The following EPHA6 variants were observed in gnomAD, a reference collection of about 807,000 sequenced individuals.
The protein encoded by EPHA6 is ephrin type-A receptor 6.
Under a neutral mutation model 112.0 loss-of-function variants are expected in EPHA6, and 50 were observed. That is an observed-to-expected ratio of 0.45 (90% CI 0.36 to 0.56). The LOEUF is 0.56. Among genes scored for constraint, EPHA6 ranks in the 20% least tolerant of loss-of-function variants. The pLI, the probability that EPHA6 is intolerant of heterozygous loss-of-function variation, is 0.00. For missense variants in EPHA6, 1,280 were observed against 1,417.4 expected (o/e 0.90, Z 1.56); for synonymous variants, 529 against 490.7 (o/e 1.08, Z -1.03).
At chr3:97,676,634 GA>G (rs938813158) in intron 14 of EPHA6, among the ~76,000 whole-genome samples, 1 of 152,120 alleles carries the variant, frequency 6.6e-6, no homozygotes, top group African/African-American at 2.4e-5. Flanking sequence ...AGATGACACA[GA>G]AAAAGAAAGA....
intron 7 of EPHA6, among the ~76,000 whole-genome samples, chr3:97,474,296 T>A (rs555339433): frequency 6.6e-6 from 1 of 150,924 alleles, no homozygotes; most frequent in East Asian, 1.9e-4. Flanking sequence ...CAATAGCTGA[T>A]AAGATTAATA....
intron 5 of EPHA6, among the ~76,000 whole-genome samples, chr3:97,379,678 G>C (rs1195328553): frequency 2.0e-5 from 3 of 148,472 alleles, no homozygotes; most frequent in African/African-American, 7.5e-5. Flanking sequence ...GAACCTGGGA[G>C]GCAGAGGATG....
chr3:97,341,861 A>G (rs558549888), intron 5 of EPHA6, among the ~76,000 whole-genome samples: 1 of 152,306 alleles, frequency 6.6e-6, no homozygotes, highest in Non-Finnish European at 1.5e-5. Context: ...TCCAAAATAC[A>G]TTACTAAGAA....
At chr3:96,910,311 A>T (rs779535494) in intron 2 of EPHA6, among the ~76,000 whole-genome samples, 1 of 151,968 alleles carries the variant, frequency 6.6e-6, no homozygotes, top group Non-Finnish European at 1.5e-5. Flanking sequence ...ACCACTTCCT[A>T]ACAACCTAAC....
intron 3 of EPHA6, among the ~76,000 whole-genome samples, chr3:97,017,220 C>T (rs1423146355): frequency 2.6e-5 from 4 of 152,124 alleles, no homozygotes; most frequent in African/African-American, 9.7e-5. Flanking sequence ...AGGATATAGT[C>T]CTGACTTACT....
At chr3:97,026,432 TG>T (rs2044641169) in intron 3 of EPHA6, among the ~76,000 whole-genome samples, 1 of 152,214 alleles carries the variant, frequency 6.6e-6, no homozygotes, top group African/African-American at 2.4e-5. Context: ...CTTATTTCTT[TG>T]AGCAGTGGTT....
intron 11 of EPHA6, among the ~76,000 whole-genome samples, chr3:97,586,825 G>A (rs551585074): frequency 9.8e-5 from 15 of 152,308 alleles, no homozygotes; most frequent in African/African-American, 3.6e-4. Context: ...AGGTTCAATA[G>A]ACTAGTTTAT....
At chr3:97,431,774 T>C (rs1379256785) in intron 6 of EPHA6, among the ~76,000 whole-genome samples, 1 of 152,102 alleles carries the variant, frequency 6.6e-6, no homozygotes, top group African/African-American at 2.4e-5. Context: ...TTTTCATATT[T>C]TAAAAAGATC....
chr3:97,266,195 T>A (rs979213194), intron 5 of EPHA6, among the ~76,000 whole-genome samples: 3 of 152,226 alleles, frequency 2.0e-5, no homozygotes, highest in African/African-American at 7.2e-5. Flanking sequence ...GAGGCATTGT[T>A]AATCTTAACT....
chr3:97,743,103 C>T (rs1042035650), intron 16 of EPHA6, among the ~76,000 whole-genome samples: 5 of 152,014 alleles, frequency 3.3e-5, no homozygotes, highest in African/African-American at 4.8e-5. Flanking sequence ...TAAACATTTT[C>T]GCAATACAAG....
chr3:96,838,313 G>A (rs2107310900), intron 1 of EPHA6, among the ~76,000 whole-genome samples: 1 of 152,228 alleles, frequency 6.6e-6, no homozygotes, highest in South Asian at 2.1e-4. Flanking sequence ...TGGACATTTA[G>A]GTTGATTCCC....
At chr3:97,134,440 C>T (rs2075718134) in intron 3 of EPHA6, among the ~76,000 whole-genome samples, 1 of 151,996 alleles carries the variant, frequency 6.6e-6, no homozygotes, top group Non-Finnish European at 1.5e-5. Flanking sequence ...GGTGTATGTG[C>T]AAATCTGCCC....
intron 6 of EPHA6, among the ~76,000 whole-genome samples, chr3:97,425,168 C>T (rs547249375): frequency 1.3e-5 from 2 of 152,116 alleles, no homozygotes; most frequent in Non-Finnish European, 2.9e-5. Context: ...ATCTGCCGTT[C>T]GGGTCTGGAG....
chr3:96,883,568 A>G (rs925781247), intron 2 of EPHA6, among the ~76,000 whole-genome samples: 4 of 152,146 alleles, frequency 2.6e-5, no homozygotes, highest in African/African-American at 9.7e-5. Flanking sequence ...TAAGTCCTTA[A>G]TGCATCTTGA....
chr3:97,300,637 G>T (rs916870384), intron 5 of EPHA6, among the ~76,000 whole-genome samples: 2 of 152,106 alleles, frequency 1.3e-5, no homozygotes, highest in Admixed American at 6.6e-5. Context: ...AATACCAGGA[G>T]ACCTCTAGTC....
chr3:97,638,261 CA>C (rs1172090068), intron 14 of EPHA6, among the ~76,000 whole-genome samples, 179 bp downstream of exon 14: 4 of 152,140 alleles, frequency 2.6e-5, no homozygotes, highest in Middle Eastern at 3.4e-3. Flanking sequence ...ACAACAACAA[CA>C]AAAAAGAAAA....
chr3:97,388,196 T>G (rs1001259475), intron 5 of EPHA6, among the ~76,000 whole-genome samples: 1 of 152,232 alleles, frequency 6.6e-6, no homozygotes, highest in Non-Finnish European at 1.5e-5. Flanking sequence ...TTTTGATACA[T>G]GTATTTCAGT....
intron 3 of EPHA6, among the ~76,000 whole-genome samples, chr3:97,073,886 A>G (rs57378267): frequency 0.017 from 2,564 of 152,154 alleles, 68 homozygotes; most frequent in African/African-American, 0.059. Flanking sequence ...GACAATCACT[A>G]TCTCACTATT....
chr3:97,667,520 A>G (rs2030272683), intron 14 of EPHA6, among the ~76,000 whole-genome samples: 2 of 152,208 alleles, frequency 1.3e-5, no homozygotes, highest in Non-Finnish European at 2.9e-5. Flanking sequence ...ATGTTATACA[A>G]TATCACCTCA....
Sources: allele counts gnomAD v4.1 joint callset (sites outside exome capture counted in the v4.1 genomes callset), GRCh38; gene constraint gnomAD v4.1.1; transcripts MANE v1.5; gene names NCBI Gene and HGNC (gene_info 2026-07-23, HGNC 2026-07-21).